Variants in CACNA1E observed in about 807,000 individuals in gnomAD.
CACNA1E encodes voltage-dependent R-type calcium channel subunit alpha-1E.
A neutral mutation model predicts 259.2 loss-of-function variants in CACNA1E; 40 were observed. The observed-to-expected ratio is 0.15, with a 90% confidence interval of 0.12 to 0.20. The LOEUF (loss-of-function observed/expected upper bound fraction) is 0.20. Among genes scored for constraint, CACNA1E ranks in the 10% least tolerant of loss-of-function variants. CACNA1E has a pLI of 1.00. For missense variants in CACNA1E, 1,874 were observed against 3,040.1 expected (o/e 0.62, Z 9.02); for synonymous variants, 1,104 against 1,138.5 (o/e 0.97, Z 0.61).
intron 6 of CACNA1E, among the ~76,000 whole-genome samples, chr1:181,636,483 A>G (rs973181113): frequency 6.6e-6 from 1 of 152,230 alleles, no homozygotes; most frequent in South Asian, 2.1e-4. Context: ...TGGCCTAGAG[A>G]AATTGATATC....
intron 6 of CACNA1E, among the ~76,000 whole-genome samples, chr1:181,595,521 G>T (rs1022909278): frequency 6.6e-6 from 1 of 152,172 alleles, no homozygotes; most frequent in Non-Finnish European, 1.5e-5. Context: ...CAGCAGGCCT[G>T]TATCTCTCCA....
At chr1:181,779,819 T>TACACACACACACACAC (rs56301632) in intron 38 of CACNA1E, among the ~76,000 whole-genome samples, 7,287 of 148,264 alleles carry the variant, frequency 0.049, 214 homozygotes, top group Non-Finnish European at 0.07. Context: ...TATGCACATG[T>TACACACACACACACAC]ACACACACAC....
At chr1:181,588,836 G>A (rs572046817) in intron 6 of CACNA1E, among the ~76,000 whole-genome samples, 6 of 152,342 alleles carry the variant, frequency 3.9e-5, no homozygotes, top group African/African-American at 1.4e-4. Flanking sequence ...GGACTGAGGG[G>A]CAGAAATTAG....
At chr1:181,707,910 C>T (rs140283336) in intron 7 of CACNA1E, among the ~76,000 whole-genome samples, 7 of 152,160 alleles carry the variant, frequency 4.6e-5, no homozygotes, top group Non-Finnish European at 8.8e-5. Flanking sequence ...ATACAGCTGA[C>T]CATAGTAAAG....
chr1:181,472,495 T>C (rs1662573313), intron 2 of CACNA1E, among the ~76,000 whole-genome samples: 1 of 152,240 alleles, frequency 6.6e-6, no homozygotes, highest in Non-Finnish European at 1.5e-5. Flanking sequence ...ATCTCAAATG[T>C]ACACAATAAA....
chr1:181,780,566 C>A (rs1383332655), intron 38 of CACNA1E, among the ~76,000 whole-genome samples: 1 of 152,196 alleles, frequency 6.6e-6, no homozygotes, highest in Non-Finnish European at 1.5e-5. Context: ...GATGGTGACA[C>A]GGTGATTCCA....
chr1:181,401,323 C>T lies in CACNA1E; in HGVS notation c.-14-11810C>T, dbSNP rs564328596. 4.6e-5 allele frequency among the ~76,000 whole-genome samples: 7 copies of T among 152,296 alleles called. No homozygotes were observed. In the South Asian group the frequency reaches 1.5e-3, roughly 32 times the overall value. On this transcript the variant is annotated intron_variant, in intron 1 of 11. Coordinates refer to the CACNA1E transcript ENST00000524607. The stretch of plus-strand genomic sequence containing the variant: ...TTCTTAGCTTAAACACCCTGTCCTC[C>T]AGGCAGCCTCCCCAACTCCCCAAGA...
Position 181,415,667 on chromosome 1 carries a change from G to C in CACNA1E, c.434+2087G>C, listed in dbSNP as rs933985275. On this transcript the variant is annotated intron_variant, in intron 2 of 11. Transcript: ENST00000524607. The stretch of plus-strand genomic sequence containing the variant: ...CAACACAGAGATGACCTGAATGGGA[G>C]TAGTTTCCACAGGGCGATGGGGTCA... Among the ~76,000 whole-genome samples, 4 of 152,208 alleles carry C rather than the reference G, an allele frequency of 2.6e-5. No homozygotes were observed. In the East Asian group the frequency reaches 7.7e-4, roughly 29 times the overall value.
chr1:181,796,304 T>C (rs1661800463), intron 46 of CACNA1E, among the ~76,000 whole-genome samples: 1 of 152,160 alleles, frequency 6.6e-6, no homozygotes, highest in Non-Finnish European at 1.5e-5. Context: ...GTAGATTCAA[T>C]AACATGTATT....
chr1:181,659,372 C>G (rs1224984911), intron 7 of CACNA1E, among the ~76,000 whole-genome samples: 1 of 152,202 alleles, frequency 6.6e-6, no homozygotes, highest in Non-Finnish European at 1.5e-5. Flanking sequence ...AGCATTTTTA[C>G]TTGTCTCAAA....
At chr1:181,786,227 T>A (rs947389503) in intron 43 of CACNA1E, among the ~76,000 whole-genome samples, 18 of 152,306 alleles carry the variant, frequency 1.2e-4, no homozygotes, top group Non-Finnish European at 2.2e-4. Context: ...AAGAGGGGAA[T>A]AAAACCAGCA....
In CACNA1E at chr1:181,800,752, G is replaced by A. The variant is rs1381463486; in HGVS notation, c.*1918G>A. On this transcript the variant is annotated 3_prime_UTR_variant, in exon 48 of 48. Transcript: ENST00000367573. ...CTATTTTTTAAATTGAAATATAATA[G>A]CTGCATCAGCCCTGAAAAGCCAAAT... The A allele has an allele frequency of 6.6e-6, 1 of 152,556 alleles. No homozygotes were observed. The highest frequency in any genetic ancestry group is 2.4e-5 in the African/African-American group (1 of 41,420). The allele number at this position is 152,556 out of a possible 1,614,324, so 9.5% of individuals were successfully genotyped here. A position where few individuals can be genotyped will look rare whatever the true frequency, so the allele number is the denominator to read the frequency against.
intron 2 of CACNA1E, among the ~76,000 whole-genome samples, chr1:181,434,414 C>G (rs1190310087): frequency 9.6e-5 from 14 of 146,352 alleles, no homozygotes; most frequent in Admixed American, 2.0e-4. Flanking sequence ...TTTTTAAATA[C>G]TAGAAATTAC....
At chr1:181,609,539 A>G (rs1385986368) in intron 6 of CACNA1E, among the ~76,000 whole-genome samples, 3 of 152,188 alleles carry the variant, frequency 2.0e-5, no homozygotes, top group Non-Finnish European at 4.4e-5. Flanking sequence ...AAGGAAAAGA[A>G]CAGAGTGAAA....
intron 38 of CACNA1E, among the ~76,000 whole-genome samples, chr1:181,780,792 C>T (rs554379170): frequency 6.6e-6 from 1 of 152,258 alleles, no homozygotes; most frequent in South Asian, 2.1e-4. Context: ...GTGGAAGCAA[C>T]GGGGCCAACT....
Position 181,589,997 on chromosome 1 carries a change from C to A in CACNA1E, c.951+9221C>A, listed in dbSNP as rs80065113. Among the ~76,000 whole-genome samples, 450 of 152,270 alleles carry A rather than the reference C, an allele frequency of 3.0e-3. 18 individuals are homozygous for A. The East Asian group carries it at 0.072, about 24-fold the overall frequency. On this transcript the variant is annotated intron_variant, in intron 6 of 47. Coordinates refer to ENST00000367573, the MANE Select transcript of CACNA1E (RefSeq NM_001205293.3). ...GGGAAGGGTTGGATGTACTAACTTT[C>A]CCTTAACCATCCTCTCCTTAGCTGG...
At chr1:181,587,848 A>G (rs1250044544) in intron 6 of CACNA1E, among the ~76,000 whole-genome samples, 1 of 152,244 alleles carries the variant, frequency 6.6e-6, no homozygotes, top group Non-Finnish European at 1.5e-5. Flanking sequence ...GCGCCACTGC[A>G]GTCCGGCCTG....
At chr1:181,500,615 G>C (rs1298761701) in intron 1 of CACNA1E, among the ~76,000 whole-genome samples, 4 of 152,328 alleles carry the variant, frequency 2.6e-5, no homozygotes, top group African/African-American at 9.6e-5. Context: ...TTGGGTCTTA[G>C]TCTTTGCCTC....
intron 7 of CACNA1E, among the ~76,000 whole-genome samples, chr1:181,669,977 A>T (rs953679199): frequency 3.9e-5 from 6 of 152,202 alleles, no homozygotes; most frequent in African/African-American, 9.6e-5. Context: ...CCCTCTCCCC[A>T]TGATAATTTA....
Sources: allele counts gnomAD v4.1 joint callset (sites outside exome capture counted in the v4.1 genomes callset), GRCh38; gene constraint gnomAD v4.1.1; transcripts MANE v1.5; gene names NCBI Gene and HGNC (gene_info 2026-07-23, HGNC 2026-07-21).